IFT74: variants seen among roughly 807,000 people sequenced by gnomAD.
IFT74 encodes the protein intraflagellar transport protein 74 homolog.
A neutral mutation model predicts 96.7 loss-of-function variants in IFT74; 92 were observed. The observed-to-expected ratio is 0.95, with a 90% CI of 0.80 to 1.13. The LOEUF (loss-of-function observed/expected upper bound fraction) is 1.13, where lower values mean the gene tolerates loss of function less well. Ranked by LOEUF, IFT74 falls within the 50% of genes most tolerant of loss-of-function variation. The pLI, the probability that IFT74 is intolerant of heterozygous loss-of-function variation, is 0.00. For synonymous variants in IFT74, 223 were observed against 213.2 expected, an observed-to-expected ratio of 1.05 and a Z score of -0.40; for missense variants, 811 against 698.2, an observed-to-expected ratio of 1.16 and a Z score of -1.82.
At chr9:26,976,463 G>C (rs552315359) in intron 2 of IFT74, 7 of 194,960 alleles carry the variant, frequency 3.6e-5, no homozygotes, top group African/African-American at 1.2e-4. Flanking sequence ...TTTCCCCATT[G>C]GCTGGGGTCG....
chr9:26,999,264 C>T (rs578251113), intron 8 of IFT74, among the ~76,000 whole-genome samples: 3 of 152,020 alleles, frequency 2.0e-5, no homozygotes, highest in African/African-American at 7.2e-5. Flanking sequence ...ACTGTTTTTG[C>T]AGTTAGATTT....
chr9:27,049,267 G>C (rs1819826723), intron 16 of IFT74, among the ~76,000 whole-genome samples: 1 of 152,104 alleles, frequency 6.6e-6, no homozygotes. Context: ...AATGCAAATA[G>C]ACTAGTACAC....
At chr9:27,016,773 C>T in intron 10 of IFT74, 134 bp from the exon 11 acceptor site, 1 of 584,386 alleles carries the variant, frequency 1.7e-6, no homozygotes, top group Non-Finnish European at 2.9e-6. Context: ...TTATTGAGTA[C>T]TAATGATATT....
chr9:26,972,912 A>G (rs1327840470), intron 2 of IFT74, among the ~76,000 whole-genome samples: 4 of 152,250 alleles, frequency 2.6e-5, no homozygotes, highest in South Asian at 2.1e-4. Context: ...CTTTTTTTAT[A>G]TCTTCACCAG....
intron 1 of IFT74, among the ~76,000 whole-genome samples, chr9:26,961,090 T>TG (rs939187355): frequency 1.6e-4 from 24 of 150,432 alleles, no homozygotes; most frequent in African/African-American, 5.4e-4. Context: ...CTTGTTTTTT[T>TG]TTTTTTTTTT....
At chr9:27,022,117 T>G (rs1415838665) in intron 12 of IFT74, among the ~76,000 whole-genome samples, 2 of 152,176 alleles carry the variant, frequency 1.3e-5, no homozygotes, top group African/African-American at 4.8e-5. Context: ...TTTTTTTTGC[T>G]TTTTCGAAGA....
upstream of IFT74, among the ~76,000 whole-genome samples, chr9:26,953,530 A>G (rs1388110989): frequency 1.3e-5 from 2 of 152,214 alleles, no homozygotes; most frequent in South Asian, 2.1e-4. Flanking sequence ...TCTTCTTTCA[A>G]TAGACACTCC....
At chr9:27,036,427 A>G in intron 13 of IFT74, 2 of 1,612,418 alleles carry the variant, frequency 1.2e-6, no homozygotes, top group African/African-American at 1.3e-5. Flanking sequence ...AATTCTTTGT[A>G]CCCACGGGTT....
chr9:26,975,458 A>G (rs1331710322), intron 2 of IFT74, among the ~76,000 whole-genome samples: 1 of 152,236 alleles, frequency 6.6e-6, no homozygotes, highest in Non-Finnish European at 1.5e-5. Context: ...TTCAGTCCAA[A>G]TAAAACAACA....
intron 2 of IFT74, among the ~76,000 whole-genome samples, chr9:26,976,186 C>T (rs980705409): frequency 2.0e-5 from 3 of 152,206 alleles, no homozygotes; most frequent in Admixed American, 6.5e-5. Flanking sequence ...CACTGCAATG[C>T]GACAGTGGGA....
intron 8 of IFT74, among the ~76,000 whole-genome samples, chr9:27,004,756 A>G (rs1033740407): frequency 3.9e-5 from 6 of 152,206 alleles, no homozygotes; most frequent in Admixed American, 2.6e-4. Flanking sequence ...AGGAGCTAAT[A>G]TAAAATAGAA....
chr9:27,034,326 G>A (rs1284314535), intron 13 of IFT74, among the ~76,000 whole-genome samples: 1 of 152,110 alleles, frequency 6.6e-6, no homozygotes, highest in African/African-American at 2.4e-5. Context: ...AATTCTGAAT[G>A]AATTCATTGT....
intron 8 of IFT74, chr9:26,995,277 C>T (rs1828081742): frequency 3.0e-6 from 1 of 334,670 alleles, no homozygotes; most frequent in South Asian, 5.5e-5. Context: ...CACCCAAGCA[C>T]TGCTAAGAAT....
intron 16 of IFT74, among the ~76,000 whole-genome samples, chr9:27,052,605 C>A (rs115520054): frequency 1.3e-5 from 2 of 150,610 alleles, no homozygotes; most frequent in Non-Finnish European, 3.0e-5. Flanking sequence ...AGATAAAAAT[C>A]CAGTTTAATA....
intron 18 of IFT74, among the ~76,000 whole-genome samples, chr9:27,060,232 G>C (rs1341695107): frequency 6.6e-6 from 1 of 152,092 alleles, no homozygotes; most frequent in East Asian, 1.9e-4. Flanking sequence ...TTATATTTGT[G>C]GCATTAGACT....
chr9:27,059,787 G>A (rs892752215), intron 18 of IFT74, among the ~76,000 whole-genome samples: 9 of 152,110 alleles, frequency 5.9e-5, no homozygotes, highest in Non-Finnish European at 1.3e-4. Context: ...TTTAACATGA[G>A]GATAGAAACA....
chr9:27,060,651 T>C lies in IFT74; in HGVS notation c.1684T>C (p.Phe562Leu), dbSNP rs746061374. ...GCAAAATAATTTTGCGATGAAAGAA[T>C]GTATCCTTTAAAAAGCTGAAAATGG... ...LEQNNFAMKE[F>L]IATKSQESDY... The change falls in exon 19 of 20, where the codon TTC becomes CTC. Residue 562 changes from phenylalanine to leucine, a missense_variant and splice_region_variant. Phe to Leu is a conservative substitution (Grantham distance 22). Transcript: ENST00000380062. 2 of 1,599,818 alleles carry C rather than the reference T, an allele frequency of 1.3e-6. No homozygotes were observed. The highest frequency in any genetic ancestry group is 1.7e-6 in the Non-Finnish European group (2 of 1,170,924).
chr9:27,012,602 G>A (rs1194730007), intron 10 of IFT74, among the ~76,000 whole-genome samples: 3 of 149,378 alleles, frequency 2.0e-5, no homozygotes, highest in African/African-American at 7.4e-5. Flanking sequence ...CTTTAAGGAT[G>A]TAAAAACTTA....
intron 16 of IFT74, among the ~76,000 whole-genome samples, chr9:27,054,295 C>T (rs1820062588): frequency 6.6e-6 from 1 of 152,050 alleles, no homozygotes; most frequent in Admixed American, 6.6e-5. Context: ...ACACTTTTAC[C>T]TTCCTCTTTG....
Sources: allele counts gnomAD v4.1 joint callset (sites outside exome capture counted in the v4.1 genomes callset), GRCh38; gene constraint gnomAD v4.1.1; transcripts MANE v1.5; gene names NCBI Gene and HGNC (gene_info 2026-07-23, HGNC 2026-07-21).